The following ZDHHC7 variants were observed in gnomAD, a reference collection of about 807,000 sequenced individuals.
ZDHHC7 encodes the protein palmitoyltransferase ZDHHC7.
In ZDHHC7, 12 loss-of-function variants were observed where a neutral mutation model predicts 34.1. That is an observed-to-expected ratio of 0.35 (90% CI 0.23 to 0.57). The LOEUF is 0.57. ZDHHC7 is among the 20% of genes least tolerant of loss of function. The pLI, the probability that ZDHHC7 is intolerant of heterozygous loss-of-function variation, is 0.84. For synonymous variants in ZDHHC7, 185 were observed against 155.4 expected, an observed-to-expected ratio of 1.19 and a Z score of -1.42; for missense variants, 388 against 402.7, an observed-to-expected ratio of 0.96 and a Z score of 0.31.
chr16:84,981,950 G>C lies in ZDHHC7; in HGVS notation c.360C>G (p.Ser120Arg). 6.2e-7 allele frequency: 1 copy of C among 1,614,204 alleles called. No homozygotes were observed. Among genetic ancestry groups the C allele is most frequent in the Non-Finnish European group, 8.5e-7 (1 of 1,180,040 alleles). ...KGNATKEYMESLQLKPGEVIY... is the reference protein window; with the variant it reads ...KGNATKEYMERLQLKPGEVIY... ...TGACTTCCCCGGGCTTCAGCTGCAA[G>C]CTCTCCATGTATTCTTTCGTAGCGT... is the stretch of plus-strand genomic sequence containing the variant. Residue 120 changes from serine to arginine, a missense_variant, in exon 4 of 8, where the codon AGC (serine) becomes AGG (arginine). Ser to Arg is a moderately radical substitution (Grantham distance 110, BLOSUM62 -1). Coordinates refer to ENST00000313732, the MANE Select transcript of ZDHHC7 (RefSeq NM_017740.3).
At chr16:85,026,330 G>A in the ZDHHC7 span, among the ~76,000 whole-genome samples, 1 of 152,076 alleles carries the variant, frequency 6.6e-6, no homozygotes, top group Non-Finnish European at 1.5e-5. Context: ...GAGACCAAAA[G>A]CGTACCCACT....
At chr16:85,027,036 A>C in the ZDHHC7 span, among the ~76,000 whole-genome samples, 2 of 152,106 alleles carry the variant, frequency 1.3e-5, no homozygotes, top group East Asian at 3.8e-4. Flanking sequence ...TTTTCTTTTA[A>C]TTGAGGAGAC....
chr16:85,011,592 C>G (rs918845095), upstream of ZDHHC7: 1 of 152,208 alleles, frequency 6.6e-6, no homozygotes, highest in East Asian at 1.9e-4. Flanking sequence ...GCAGCTCTCG[C>G]GGAGAGGGGC....
At chr16:85,022,006 A>C in the ZDHHC7 span, among the ~76,000 whole-genome samples, 693 of 151,428 alleles carry the variant, frequency 4.6e-3, 28 homozygotes, top group Admixed American at 0.041. Flanking sequence ...AATACAAAAA[A>C]AAAATTAGCC....
chr16:85,015,526 C>G (rs972860231), upstream of ZDHHC7, among the ~76,000 whole-genome samples: 8 of 152,302 alleles, frequency 5.3e-5, no homozygotes, highest in African/African-American at 1.9e-4. Context: ...CAGGAGACAG[C>G]TTTGCAGGGC....
In ZDHHC7 at chr16:84,976,064, C is replaced by T. The variant is rs1394174366; in HGVS notation, c.*279G>A. ...AGGATTTGAATAACCCATGTAATAA[C>T]CCGAAGTATTCTCCACAGAAGCCCC... On this transcript the variant is annotated 3_prime_UTR_variant, in exon 8 of 8. Coordinates refer to ENST00000313732, the MANE Select transcript of ZDHHC7 (RefSeq NM_017740.3). 2.3e-6 allele frequency: 1 copy of T among 430,898 alleles called. No individual in the cohort carries two copies. Among genetic ancestry groups the T allele is most frequent in the African/African-American group, 2.1e-5 (1 of 47,294 alleles). The allele number at this position is 430,898 out of a possible 1,614,324, so 26.7% of individuals were successfully genotyped here. A position where few individuals can be genotyped will look rare whatever the true frequency, so the allele number is the denominator to read the frequency against.
intron 1 of ZDHHC7, among the ~76,000 whole-genome samples, chr16:85,000,860 T>A (rs1460841466): frequency 1.3e-5 from 2 of 152,158 alleles, no homozygotes; most frequent in Non-Finnish European, 2.9e-5. Context: ...GCAAAGTGCT[T>A]TCCCCAAGTT....
At chr16:84,997,154 ATTC>A (rs1215964539) in intron 1 of ZDHHC7, among the ~76,000 whole-genome samples, 1 of 152,182 alleles carries the variant, frequency 6.6e-6, no homozygotes, top group African/African-American at 2.4e-5. Flanking sequence ...TAAAATTCAT[ATTC>A]TTCAAAATAA....
At chr16:85,007,152 G>C (rs2072728158) in intron 1 of ZDHHC7, among the ~76,000 whole-genome samples, 1 of 151,890 alleles carries the variant, frequency 6.6e-6, no homozygotes, top group African/African-American at 2.4e-5. Context: ...GGCTGGGCAA[G>C]GTGGCTCATG....
chr16:84,995,584 C>A (rs2072566228), intron 2 of ZDHHC7, among the ~76,000 whole-genome samples: 1 of 152,166 alleles, frequency 6.6e-6, no homozygotes, highest in African/African-American at 2.4e-5. Context: ...CAAGATCACG[C>A]CATTGCACTC....
At chr16:84,982,616 G>A (rs2072385366) in intron 3 of ZDHHC7, among the ~76,000 whole-genome samples, 4 of 152,182 alleles carry the variant, frequency 2.6e-5, no homozygotes. Flanking sequence ...ATCTCAAAAA[G>A]GACTTTAATT....
Position 84,974,940 on chromosome 16 carries a change from G to A in ZDHHC7, c.*1403C>T, listed in dbSNP as rs1039532600. ...AAACAGTTCACAGATGAACAGAAAG[G>A]CAAAACAATTCCCAGGAGGGAGACG... On this transcript the variant is annotated 3_prime_UTR_variant, in exon 8 of 8. Transcript: ENST00000313732. The A allele has an allele frequency of 1.3e-5, 2 of 152,654 alleles. No homozygotes were observed. The highest frequency in any genetic ancestry group is 2.9e-5 in the Non-Finnish European group (2 of 68,070). 9.5% of individuals were successfully genotyped at this position (152,654 alleles called of 1,614,324 possible).
chr16:85,017,937 G>T, the ZDHHC7 span, among the ~76,000 whole-genome samples: 865 of 152,294 alleles, frequency 5.7e-3, 5 homozygotes, highest in African/African-American at 0.02. Flanking sequence ...CCTGGGAAAA[G>T]GTGGAGATTT....
At chr16:85,003,294 G>A (rs896927405) in intron 1 of ZDHHC7, among the ~76,000 whole-genome samples, 7 of 152,180 alleles carry the variant, frequency 4.6e-5, no homozygotes, top group African/African-American at 7.2e-5. Context: ...TGGTTCCTAT[G>A]GGCCGTGCAA....
At chr16:84,989,357 G>A (rs573411538) in intron 3 of ZDHHC7, among the ~76,000 whole-genome samples, 4 of 152,280 alleles carry the variant, frequency 2.6e-5, no homozygotes, top group South Asian at 4.1e-4. Context: ...ATAAAGCCAC[G>A]TGCAGACCAC....
At chr16:84,982,300 G>A (rs1342208586) in intron 3 of ZDHHC7, among the ~76,000 whole-genome samples, 8 of 150,558 alleles carry the variant, frequency 5.3e-5, no homozygotes, top group Non-Finnish European at 8.8e-5. Flanking sequence ...AGCCAAGATC[G>A]CGCCGTTGCA....
chr16:85,000,464 T>C (rs2072639066), intron 1 of ZDHHC7, among the ~76,000 whole-genome samples: 1 of 152,196 alleles, frequency 6.6e-6, no homozygotes, highest in Non-Finnish European at 1.5e-5. Context: ...AAACAAAAGA[T>C]ACCAGTATTC....
At chr16:84,992,697 C>A (rs2072527235) in intron 2 of ZDHHC7, among the ~76,000 whole-genome samples, 1 of 152,048 alleles carries the variant, frequency 6.6e-6, no homozygotes, top group Non-Finnish European at 1.5e-5. Flanking sequence ...CAGGAGCGCT[C>A]CTCATATTTT....
At position 84,974,582 on chromosome 16, in the gene ZDHHC7, A is replaced by G. The variant is rs1354905466; in HGVS notation, c.*1761T>C. 1 of 152,698 alleles carries G rather than the reference A, an allele frequency of 6.5e-6. No homozygotes were observed. Among genetic ancestry groups the G allele is most frequent in the African/African-American group, 2.4e-5 (1 of 41,474 alleles). 9.5% of individuals were successfully genotyped at this position (152,698 alleles called of 1,614,324 possible). ...AGTCTCACAGGATTCAACCACTTGGATAATTGTTTTATTGATAACAGGATA... is the reference window on the plus strand; with the variant it reads ...AGTCTCACAGGATTCAACCACTTGGGTAATTGTTTTATTGATAACAGGATA... On this transcript the variant is annotated 3_prime_UTR_variant, in exon 8 of 8. Coordinates refer to ENST00000313732, the MANE Select transcript of ZDHHC7 (RefSeq NM_017740.3).
Sources: gnomAD v4.1 joint callset for allele counts (sites outside exome capture counted in the v4.1 genomes callset) on GRCh38, gnomAD v4.1.1 for gene constraint, MANE v1.5 for transcripts, NCBI Gene and HGNC (gene_info 2026-07-23, HGNC 2026-07-21) for gene names.